UTRN: variants seen among roughly 807,000 people sequenced by gnomAD.
UTRN encodes dystrophin-related protein 1.
UTRN carries 283 observed loss-of-function variants against 463.9 expected under a neutral mutation model. That is an observed-to-expected ratio of 0.61 (90% CI 0.55 to 0.67). UTRN has a LOEUF of 0.67. Ranked by LOEUF, UTRN falls within the 30% of genes least tolerant of loss-of-function variation. UTRN has a pLI of 0.00. For missense variants in UTRN, 3,922 were observed against 4,084.3 expected (o/e 0.96, Z 1.08); for synonymous variants, 1,442 against 1,431.5 (o/e 1.01, Z -0.17).
chr6:144,593,433 A>G (rs183567033), intron 51 of UTRN, among the ~76,000 whole-genome samples: 6 of 152,268 alleles, frequency 3.9e-5, no homozygotes, highest in African/African-American at 1.4e-4. Context: ...CCTGTGACCA[A>G]TCATAGGCTG....
intron 52 of UTRN, among the ~76,000 whole-genome samples, chr6:144,693,696 G>A (rs1783673963): frequency 6.6e-6 from 1 of 152,102 alleles, no homozygotes; most frequent in African/African-American, 2.4e-5. Flanking sequence ...TGGCTTGACT[G>A]TTGTTGATGT....
chr6:144,445,712 C>T (rs1317072369), intron 14 of UTRN, among the ~76,000 whole-genome samples: 1 of 151,900 alleles, frequency 6.6e-6, no homozygotes, highest in Non-Finnish European at 1.5e-5. Context: ...TGTATTTAGG[C>T]CAAAAAGTCT....
chr6:144,294,734 G>T (rs1054077559), intron 2 of UTRN, among the ~76,000 whole-genome samples: 1 of 152,030 alleles, frequency 6.6e-6, no homozygotes, highest in Non-Finnish European at 1.5e-5. Flanking sequence ...TTAAGTTATT[G>T]TGATTATTTT....
chr6:144,821,800 G>C (rs1779629743), intron 66 of UTRN, among the ~76,000 whole-genome samples: 1 of 152,056 alleles, frequency 6.6e-6, no homozygotes, highest in Admixed American at 6.5e-5. Context: ...TCTTTGAATT[G>C]CTTTTTCATA....
At chr6:144,447,850 T>C in intron 16 of UTRN, 69 bp downstream of exon 16, 1 of 1,471,242 alleles carries the variant, frequency 6.8e-7, no homozygotes, top group Non-Finnish European at 9.1e-7. Flanking sequence ...TTCAGGTTAG[T>C]TTTAATTTGT....
chr6:144,561,421 C>T (rs1044316545), intron 50 of UTRN, among the ~76,000 whole-genome samples: 5 of 150,252 alleles, frequency 3.3e-5, no homozygotes, highest in Admixed American at 6.6e-5. Flanking sequence ...TATATGCACA[C>T]TCATGTATAT....
At chr6:144,555,566 G>A (rs1395560961) in intron 49 of UTRN, among the ~76,000 whole-genome samples, 1 of 152,182 alleles carries the variant, frequency 6.6e-6, no homozygotes, top group Non-Finnish European at 1.5e-5. Flanking sequence ...AAGTAGCTGG[G>A]ATGACAGGCG....
chr6:144,454,780 C>T lies in UTRN; in HGVS notation c.2284+911C>T, dbSNP rs141443533. On this transcript the variant is annotated intron_variant, in intron 19 of 74. Coordinates refer to ENST00000367545, the MANE Select transcript of UTRN (RefSeq NM_007124.3). ...ATCTATACCTTTACTCGTTCCTCAG[C>T]CTCTCAATTATTACTATTTTTACAG... Among the ~76,000 whole-genome samples the T allele has an allele frequency of 4.5e-3, 690 of 152,220 alleles. 6 individuals carry two copies. The highest frequency in any genetic ancestry group is 0.021 in the South Asian group (99 of 4,824).
At chr6:144,560,090 T>C (rs1008249403) in intron 50 of UTRN, among the ~76,000 whole-genome samples, 5 of 152,162 alleles carry the variant, frequency 3.3e-5, no homozygotes, top group African/African-American at 1.2e-4. Flanking sequence ...TTTCATTTAA[T>C]CTTCACAACA....
chr6:144,718,866 G>A lies in UTRN; in HGVS notation c.7810-11491G>A, dbSNP rs189392443. On this transcript the variant is annotated intron_variant, in intron 53 of 74. Transcript: ENST00000367545. Reference sequence around the variant, plus strand: ...GGAGTGTGGTGAATGCTGGATCCCCGTGAGGGAAGGCTGCAGCTCATGCTG... The same window carrying A: ...GGAGTGTGGTGAATGCTGGATCCCCATGAGGGAAGGCTGCAGCTCATGCTG... Among the ~76,000 whole-genome samples the A allele has an allele frequency of 7.5e-4, 115 of 152,340 alleles. 1 individual carries two copies. The highest frequency in any genetic ancestry group is 1.9e-3 in the East Asian group (10 of 5,186).
intron 2 of UTRN, among the ~76,000 whole-genome samples, chr6:144,397,471 T>TTAACTCCA (rs1782543582): frequency 6.6e-6 from 1 of 152,130 alleles, no homozygotes; most frequent in Admixed American, 6.6e-5. Flanking sequence ...AGCATATATT[T>TTAACTCCA]TAACTCCATA....
intron 26 of UTRN, among the ~76,000 whole-genome samples, chr6:144,481,987 G>T (rs1487429285): frequency 6.6e-6 from 1 of 152,110 alleles, no homozygotes; most frequent in Non-Finnish European, 1.5e-5. Context: ...TGAACTGGGA[G>T]GCAGAGGTTG....
rs1255902310 is a variant in UTRN at position 144,724,289 on chromosome 6, C to T, written c.7810-6068C>T. Among the ~76,000 whole-genome samples, 45 of 132,422 alleles carry T rather than the reference C, an allele frequency of 3.4e-4. No individual in the cohort carries two copies. The Admixed American group carries it at 3.5e-3, about 10-fold the overall frequency. 86.9% of individuals were successfully genotyped at this position (132,422 alleles called of 152,430 possible). ...TGTCACCCAGCCTGGAGTGCAGTGG[C>T]GCAATCTCAGCCCACTGCAACCTCT... On this transcript the variant is annotated intron_variant, in intron 53 of 74. Coordinates refer to ENST00000367545, the MANE Select transcript of UTRN (RefSeq NM_007124.3).
intron 23 of UTRN, among the ~76,000 whole-genome samples, chr6:144,466,188 G>C (rs894375230): frequency 1.3e-5 from 2 of 152,236 alleles, no homozygotes; most frequent in Non-Finnish European, 2.9e-5. Context: ...AGTCCAGATA[G>C]AGTTTGGAAG....
chr6:144,479,729 G>A (rs1791650583), intron 25 of UTRN, 83 bp from the exon 26 acceptor site: 1 of 1,478,356 alleles, frequency 6.8e-7, no homozygotes, highest in African/African-American at 1.4e-5. Context: ...AGTTATTACT[G>A]TGCCTTTAAA....
intron 63 of UTRN, among the ~76,000 whole-genome samples, chr6:144,796,570 G>A (rs985579859): frequency 2.6e-5 from 4 of 152,108 alleles, no homozygotes; most frequent in Admixed American, 2.0e-4. Context: ...ACAAAAGAAA[G>A]ATGTACGAAG....
chr6:144,705,151 G>T (rs780718806), intron 53 of UTRN, among the ~76,000 whole-genome samples: 3 of 152,116 alleles, frequency 2.0e-5, no homozygotes, highest in Non-Finnish European at 4.4e-5. Context: ...TGCACTGGAG[G>T]CAGGTAAGGA....
rs1056886420 is a variant in UTRN at position 144,852,538 on chromosome 6, GAGA to G, written c.*1542_*1544del. On this transcript the variant is annotated 3_prime_UTR_variant, in exon 75 of 75. Transcript: ENST00000367545. ...GGGGCAAGGGTGTCTATTTGCAGCA[GAGA>G]TATTTTGAAAAGAAGAAAATTGTTT... is the stretch of plus-strand genomic sequence containing the variant. The G allele has an allele frequency of 6.6e-6, 1 of 152,524 alleles. No homozygotes were observed. The highest frequency in any genetic ancestry group is 2.4e-5 in the African/African-American group (1 of 41,430). The allele number at this position is 152,524 out of a possible 1,614,324, so 9.4% of individuals were successfully genotyped here. A position where few individuals can be genotyped will look rare whatever the true frequency, so the allele number is the denominator to read the frequency against.
intron 65 of UTRN, among the ~76,000 whole-genome samples, chr6:144,805,819 G>A (rs1016407609): frequency 4.7e-5 from 7 of 148,080 alleles, no homozygotes; most frequent in African/African-American, 1.9e-4. Context: ...TCACCCTGAG[G>A]CTGGGAAAGA....
Sources: allele counts gnomAD v4.1 joint callset (sites outside exome capture counted in the v4.1 genomes callset), GRCh38; gene constraint gnomAD v4.1.1; transcripts MANE v1.5; gene names NCBI Gene and HGNC (gene_info 2026-07-23, HGNC 2026-07-21).